The following PMS1 variants were observed in gnomAD, a reference collection of about 807,000 sequenced individuals.
PMS1 encodes the protein PMS1 homolog 1, mismatch repair system component, also known as PMS1 protein homolog 1.
Under a neutral mutation model 93.1 loss-of-function variants are expected in PMS1, and 79 were observed. That is an observed-to-expected ratio of 0.85 (90% CI 0.71 to 1.02). The LOEUF is 1.02. PMS1 is among the 50% of genes least tolerant of loss of function. The pLI is 0.00. For missense variants in PMS1, 1,064 were observed against 1,085.3 expected (o/e 0.98, Z 0.28); for synonymous variants, 335 against 363.4 (o/e 0.92, Z 0.89).
chr2:189,842,697 G>A (rs950068031), intron 5 of PMS1, among the ~76,000 whole-genome samples: 1 of 152,072 alleles, frequency 6.6e-6, no homozygotes, highest in Non-Finnish European at 1.5e-5. Flanking sequence ...TTACAAGCAG[G>A]TTTTTAAAAG....
chr2:189,814,969 G>T (rs2051159178), intron 4 of PMS1, among the ~76,000 whole-genome samples: 1 of 151,946 alleles, frequency 6.6e-6, no homozygotes, highest in Non-Finnish European at 1.5e-5. Flanking sequence ...CGGGCTGGCA[G>T]GTTCCTGTAG....
At chr2:189,872,253 ATC>A (rs2057214805) in intron 11 of PMS1, among the ~76,000 whole-genome samples, 1 of 152,186 alleles carries the variant, frequency 6.6e-6, no homozygotes, top group Admixed American at 6.5e-5. Flanking sequence ...TTAGGATACC[ATC>A]TCTGTAGTCT....
Position 189,877,450 on chromosome 2 carries a change from A to G in PMS1, c.*14A>G, listed in dbSNP as rs1191471876. On this transcript the variant is annotated 3_prime_UTR_variant, in exon 13 of 13. Transcript: ENST00000441310. ...GAAACTACATGATTAAATATGTTTA[A>G]GAAGATTAGTTACCATTGAAATTGG... The G allele has an allele frequency of 1.3e-6, 2 of 1,576,686 alleles. No homozygotes were observed. The highest frequency in any genetic ancestry group is 1.3e-5 in the African/African-American group (1 of 74,190).
rs192773320 is a variant in PMS1 at position 189,834,036 on chromosome 2, C to G, written c.583-9928C>G. Among the ~76,000 whole-genome samples the G allele has an allele frequency of 3.9e-5, 6 of 152,238 alleles. No homozygotes were observed. In the East Asian group the frequency reaches 1.2e-3, roughly 29 times the overall value. ...TGTCTAGGCTTCAATTTCTTTGTCT[C>G]TTTAAAATGGAATAATAGTACCTAC... On this transcript the variant is annotated intron_variant, in intron 5 of 12. Coordinates refer to ENST00000441310, the MANE Select transcript of PMS1 (RefSeq NM_000534.5).
rs768386630 is a variant in PMS1, at chr2:189,877,451, G to T, written c.*15G>T. 11 of 1,571,820 alleles carry T rather than the reference G, an allele frequency of 7.0e-6. No homozygotes were observed. Among genetic ancestry groups the T allele is most frequent in the Non-Finnish European group, 9.6e-6 (11 of 1,142,290 alleles). ...AAACTACATGATTAAATATGTTTAA[G>T]AAGATTAGTTACCATTGAAATTGGT... On this transcript the variant is annotated 3_prime_UTR_variant, in exon 13 of 13. Transcript: ENST00000441310.
At chr2:189,840,902 T>A (rs2106403931) in intron 5 of PMS1, among the ~76,000 whole-genome samples, 1 of 152,326 alleles carries the variant, frequency 6.6e-6, no homozygotes, top group Middle Eastern at 3.4e-3. Context: ...AAAAATAATT[T>A]TGTTTTGTCT....
Position 189,798,754 on chromosome 2 carries a change from T to C in PMS1, c.315+2803T>C, listed in dbSNP as rs1487428251. On this transcript the variant is annotated intron_variant, in intron 3 of 12. Transcript: ENST00000441310. ...TTTTTCTGTTTTAGAGCATAAGTAT[T>C]TGATTTTTTTTTTTTTTTTTTTTTA... Among the ~76,000 whole-genome samples, 5 of 137,578 alleles carry C rather than the reference T, an allele frequency of 3.6e-5. No individual in the cohort carries two copies. The Admixed American group carries it at 3.7e-4, about 10-fold the overall frequency. 90.3% of individuals were successfully genotyped at this position (137,578 alleles called of 152,430 possible).
At chr2:189,817,642 A>G (rs980781291) in intron 4 of PMS1, among the ~76,000 whole-genome samples, 2 of 152,214 alleles carry the variant, frequency 1.3e-5, no homozygotes, top group Admixed American at 6.5e-5. Flanking sequence ...AGGTTATTAT[A>G]TAAACTGTAA....
intron 6 of PMS1, among the ~76,000 whole-genome samples, chr2:189,852,302 A>T (rs928359948): frequency 6.6e-6 from 1 of 152,348 alleles, no homozygotes; most frequent in Non-Finnish European, 1.5e-5. Flanking sequence ...GAGAAAAGTC[A>T]CAATGTGAGG....
At chr2:189,831,456 T>C (rs1334047196) in intron 5 of PMS1, among the ~76,000 whole-genome samples, 3 of 152,210 alleles carry the variant, frequency 2.0e-5, no homozygotes, top group Non-Finnish European at 4.4e-5. Context: ...TTTTCTTTTA[T>C]AGCTATTATG....
chr2:189,796,414 G>A (rs922242292), intron 3 of PMS1, among the ~76,000 whole-genome samples: 3 of 152,104 alleles, frequency 2.0e-5, no homozygotes, highest in Non-Finnish European at 2.9e-5. Context: ...ATTTTTAAAT[G>A]TACAATTCAG....
At chr2:189,860,961 G>A (rs1031573036) in intron 9 of PMS1, among the ~76,000 whole-genome samples, 6 of 150,970 alleles carry the variant, frequency 4.0e-5, no homozygotes, top group Admixed American at 6.6e-5. Flanking sequence ...GACTATCCTC[G>A]TCTTTACATT....
At chr2:189,785,386 A>T (rs993517784) in intron 1 of PMS1, 1 of 152,172 alleles carries the variant, frequency 6.6e-6, no homozygotes, top group Non-Finnish European at 1.5e-5. Context: ...GGTCATCAGC[A>T]CTTCTTCAGA....
intron 11 of PMS1, among the ~76,000 whole-genome samples, chr2:189,870,213 A>T (rs2057028401): frequency 1.3e-5 from 2 of 151,796 alleles, no homozygotes; most frequent in African/African-American, 2.4e-5. Flanking sequence ...GTCTTGTGTG[A>T]GAGTATTGTA....
At chr2:189,792,873 G>A (rs1337866002) in intron 2 of PMS1, among the ~76,000 whole-genome samples, 3 of 151,312 alleles carry the variant, frequency 2.0e-5, no homozygotes, top group African/African-American at 2.4e-5. Context: ...GTGCAATGGC[G>A]CGATCTCAGC....
Position 189,875,950 on chromosome 2 carries a change from T to C in PMS1, c.2635-1322T>C, listed in dbSNP as rs1400069938. 9.1e-5 allele frequency among the ~76,000 whole-genome samples: 9 copies of C among 98,592 alleles called. No individual in the cohort carries two copies. The South Asian group carries it at 2.7e-3, about 30-fold the overall frequency. 64.7% of individuals were successfully genotyped at this position (98,592 alleles called of 152,430 possible). On this transcript the variant is annotated intron_variant, in intron 12 of 12. Transcript: ENST00000441310. ...CAGCCTGGGCGATAGAGCTAGACTC[T>C]GTCTCAAAAAAAAAAAAAAAAAAAA...
rs560349686 is a variant in PMS1, at chr2:189,811,862, T to C, written c.418+6108T>C. On this transcript the variant is annotated intron_variant, in intron 4 of 12. Coordinates refer to ENST00000441310, the MANE Select transcript of PMS1 (RefSeq NM_000534.5). ...TTAGAGATTCATAAAAGTGTGGCGCTATTTACAGCTTTCATGAAATATTAA... is the reference window on the plus strand; with the variant it reads ...TTAGAGATTCATAAAAGTGTGGCGCCATTTACAGCTTTCATGAAATATTAA... Among the ~76,000 whole-genome samples, 3 of 152,206 alleles carry C rather than the reference T, an allele frequency of 2.0e-5. No individual in the cohort carries two copies. The South Asian group carries it at 6.2e-4, about 31-fold the overall frequency.
In PMS1 at chr2:189,854,957, C is replaced by T. The variant is rs774939385; in HGVS notation, c.1685C>T (p.Ala562Val). The change falls in exon 9 of 13, where the codon GCT becomes GTT. Residue 562 changes from alanine to valine, a missense_variant. Coordinates refer to ENST00000441310, the MANE Select transcript of PMS1 (RefSeq NM_000534.5). ...VIDNKSGKVT[A>V]YDLLSNRVIK... ...GATAATAAATCTGGAAAAGTTACAG[C>T]TTATGATTTACTTAGCAATCGAGTA... 1 of 1,612,140 alleles carries T rather than the reference C, an allele frequency of 6.2e-7. No individual in the cohort carries two copies. Among genetic ancestry groups the T allele is most frequent in the Non-Finnish European group, 8.5e-7 (1 of 1,178,368 alleles).
intron 9 of PMS1, chr2:189,857,557 C>A: frequency 2.4e-6 from 1 of 412,220 alleles, no homozygotes; most frequent in Non-Finnish European, 5.0e-6. Flanking sequence ...TTCAGTCCAT[C>A]CTTTTCTTCC....
Sources: allele counts gnomAD v4.1 joint callset (sites outside exome capture counted in the v4.1 genomes callset), GRCh38; gene constraint gnomAD v4.1.1; transcripts MANE v1.5; gene names NCBI Gene and HGNC (gene_info 2026-07-23, HGNC 2026-07-21).